The following PCDH15 variants were observed in gnomAD, a reference collection of about 807,000 sequenced individuals.
PCDH15 encodes the protein protocadherin related 15, also known as protocadherin-15.
PCDH15 carries 129 observed loss-of-function variants against 178.5 expected under a neutral mutation model. That is an observed-to-expected ratio of 0.72 (90% CI 0.63 to 0.84). The LOEUF (loss-of-function observed/expected upper bound fraction) is 0.84, where lower values mean the gene tolerates loss of function less well. Among genes scored for constraint, PCDH15 ranks in the 40% least tolerant of loss-of-function variants. The pLI is 0.00. For missense variants in PCDH15, 2,230 were observed against 2,099.9 expected (o/e 1.06, Z -1.21); for synonymous variants, 800 against 732.0 (o/e 1.09, Z -1.50).
At chr10:55,592,836 T>C (rs1438447035) in intron 2 of PCDH15, among the ~76,000 whole-genome samples, 2 of 152,104 alleles carry the variant, frequency 1.3e-5, no homozygotes, top group African/African-American at 4.8e-5. Flanking sequence ...GCATTTCTTA[T>C]ATATACCATG....
chr10:55,091,282 A>C (rs1842311020), intron 2 of PCDH15, among the ~76,000 whole-genome samples: 1 of 152,066 alleles, frequency 6.6e-6, no homozygotes, highest in East Asian at 1.9e-4. Flanking sequence ...GAATACTGAA[A>C]ATTATCTTTT....
At chr10:54,163,406 GGA>G (rs57981979) in intron 13 of PCDH15, among the ~76,000 whole-genome samples, 2 of 150,902 alleles carry the variant, frequency 1.3e-5, no homozygotes, top group South Asian at 2.1e-4. Flanking sequence ...CATGGCAGCA[GGA>G]GAGAGAGAGA....
At chr10:54,818,091 T>C (rs982721993) in intron 3 of PCDH15, among the ~76,000 whole-genome samples, 3 of 152,010 alleles carry the variant, frequency 2.0e-5, no homozygotes, top group Admixed American at 6.6e-5. Flanking sequence ...ATCTTTTTTT[T>C]CCTCTCCTCT....
At chr10:54,223,581 C>T (rs1591276634) in intron 9 of PCDH15, among the ~76,000 whole-genome samples, 3 of 145,148 alleles carry the variant, frequency 2.1e-5, no homozygotes, top group South Asian at 2.2e-4. Flanking sequence ...TATACCTTAA[C>T]AGTTTTTTCT....
intron 1 of PCDH15, among the ~76,000 whole-genome samples, chr10:54,726,439 T>G (rs900442546): frequency 5.9e-5 from 6 of 102,070 alleles, no homozygotes; most frequent in African/African-American, 1.7e-4. Flanking sequence ...TGTGTGTGTG[T>G]GTGTGTGTGT....
intron 2 of PCDH15, among the ~76,000 whole-genome samples, chr10:55,513,646 T>G (rs1220818296): frequency 6.6e-6 from 1 of 152,058 alleles, no homozygotes; most frequent in African/African-American, 2.4e-5. Context: ...CCTATATACT[T>G]TTTATTAAAA....
intron 1 of PCDH15, among the ~76,000 whole-genome samples, chr10:54,753,148 G>A (rs779774735): frequency 5.3e-5 from 8 of 152,120 alleles, no homozygotes; most frequent in Non-Finnish European, 7.4e-5. Context: ...TCTAGCACCA[G>A]AGGATGTTGG....
intron 2 of PCDH15, among the ~76,000 whole-genome samples, chr10:54,999,763 T>C (rs1409657463): frequency 6.6e-6 from 1 of 152,212 alleles, no homozygotes; most frequent in Admixed American, 6.5e-5. Context: ...GTAGGTTCTT[T>C]TCTATATTCC....
At chr10:54,607,659 G>T (rs570699230) in intron 2 of PCDH15, among the ~76,000 whole-genome samples, 1 of 152,030 alleles carries the variant, frequency 6.6e-6, no homozygotes, top group South Asian at 2.1e-4. Context: ...CAATCAGTAA[G>T]AAAATATAAT....
intron 8 of PCDH15, among the ~76,000 whole-genome samples, chr10:54,269,960 C>T (rs568473657): frequency 2.0e-5 from 3 of 151,424 alleles, no homozygotes; most frequent in African/African-American, 7.3e-5. Flanking sequence ...ATAATTATAC[C>T]CATAATTTAA....
intron 8 of PCDH15, among the ~76,000 whole-genome samples, chr10:54,243,273 G>A (rs145847280): frequency 0.011 from 1,619 of 152,274 alleles, 19 homozygotes; most frequent in Non-Finnish European, 0.016. Context: ...ACTTTGGGAG[G>A]CCAAGGCGGG....
At chr10:54,295,013 C>T (rs1423074733) in intron 8 of PCDH15, among the ~76,000 whole-genome samples, 4 of 152,130 alleles carry the variant, frequency 2.6e-5, no homozygotes, top group Non-Finnish European at 4.4e-5. Flanking sequence ...ATAGTGTGGT[C>T]ATGATGGTCT....
chr10:55,347,813 G>A (rs997125113), intron 2 of PCDH15, among the ~76,000 whole-genome samples: 27 of 152,140 alleles, frequency 1.8e-4, no homozygotes, highest in African/African-American at 5.8e-4. Context: ...CTGGGCAGGA[G>A]TCATTATAGA....
At chr10:54,395,731 G>T (rs544871469) in intron 3 of PCDH15, among the ~76,000 whole-genome samples, 1 of 151,684 alleles carries the variant, frequency 6.6e-6, no homozygotes, top group African/African-American at 2.4e-5. Context: ...TTATAAGAAT[G>T]TTTTTTCTAT....
At chr10:54,509,133 C>T (rs1397669606) in intron 3 of PCDH15, among the ~76,000 whole-genome samples, 5 of 151,954 alleles carry the variant, frequency 3.3e-5, no homozygotes, top group African/African-American at 9.7e-5. Flanking sequence ...GTAGAAGAAA[C>T]TGGTTATTGA....
In PCDH15 at chr10:54,785,997, T is replaced by C. The variant is rs570175413; in HGVS notation, c.-29+14928A>G. On this transcript the variant is annotated intron_variant, in intron 1 of 37. Transcript: ENST00000644397. ...TGAAGTGTTTATTTTGGATTCTACA[T>C]TTTTTCATTCAATAAATGTATTGAG... Among the ~76,000 whole-genome samples, 13 of 152,104 alleles carry C rather than the reference T, an allele frequency of 8.5e-5. No homozygotes were observed. In the South Asian group the frequency reaches 2.7e-3, roughly 32 times the overall value.
chr10:55,007,540 A>G (rs1839961601), intron 2 of PCDH15, among the ~76,000 whole-genome samples: 1 of 152,202 alleles, frequency 6.6e-6, no homozygotes. Context: ...GTTTTTATCT[A>G]GAGGGTAGGT....
At chr10:54,774,793 A>G (rs1255042165) in intron 1 of PCDH15, among the ~76,000 whole-genome samples, 1 of 152,186 alleles carries the variant, frequency 6.6e-6, no homozygotes, top group Non-Finnish European at 1.5e-5. Flanking sequence ...AATCTTAGGT[A>G]AGTCATTATT....
intron 1 of PCDH15, among the ~76,000 whole-genome samples, chr10:55,260,785 G>A (rs548957251): frequency 6.6e-6 from 1 of 152,090 alleles, no homozygotes; most frequent in Non-Finnish European, 1.5e-5. Flanking sequence ...GTTATAAAAA[G>A]AATAGATAAG....
Sources: gnomAD v4.1 joint callset for allele counts (sites outside exome capture counted in the v4.1 genomes callset) on GRCh38, gnomAD v4.1.1 for gene constraint, MANE v1.5 for transcripts, NCBI Gene and HGNC (gene_info 2026-07-23, HGNC 2026-07-21) for gene names.